CCDC102B: variants seen among roughly 807,000 people sequenced by gnomAD.
The protein encoded by CCDC102B is coiled-coil domain-containing protein 102B.
CCDC102B carries 75 observed loss-of-function variants against 57.4 expected under a neutral mutation model. The ratio of observed to expected loss-of-function variants is 1.31; its 90% CI spans 1.08 to 1.58. CCDC102B has a LOEUF of 1.58. Ranked by LOEUF, CCDC102B falls within the 40% of genes most tolerant of loss-of-function variation. The pLI is 0.00. For synonymous variants in CCDC102B, 206 were observed against 201.9 expected (o/e 1.02, Z -0.17); for missense variants, 636 against 582.6 (o/e 1.09, Z -0.94).
chr18:68,970,731 A>G (rs2050280261), intron 6 of CCDC102B, among the ~76,000 whole-genome samples: 2 of 152,028 alleles, frequency 1.3e-5, no homozygotes, highest in Non-Finnish European at 2.9e-5. Context: ...AATATGCTTT[A>G]TCAATCCTTT....
rs1475793793 is a variant in CCDC102B, at chr18:68,997,884, G to A, written c.1264-13050G>A. Among the ~76,000 whole-genome samples, 2 of 151,902 alleles carry A rather than the reference G, an allele frequency of 1.3e-5. 1 individual carries two copies. Among genetic ancestry groups the A allele is most frequent in the African/African-American group, 4.8e-5 (2 of 41,342 alleles). ...TTTTTGGCATTTTCGCATTGCTGTA[G>A]TTTAAGCTCTTTGAATGCTATTTTT... is the stretch of plus-strand genomic sequence containing the variant. On this transcript the variant is annotated intron_variant, in intron 6 of 7. Coordinates refer to ENST00000360242, the MANE Select transcript of CCDC102B (RefSeq NM_024781.3).
At chr18:69,003,439 A>T (rs575518562) in intron 6 of CCDC102B, among the ~76,000 whole-genome samples, 18 of 152,208 alleles carry the variant, frequency 1.2e-4, no homozygotes, top group African/African-American at 4.1e-4. Context: ...CTTCTCCTCA[A>T]CTCTCTACCC....
At chr18:68,910,110 C>T (rs1057290562) in intron 6 of CCDC102B, among the ~76,000 whole-genome samples, 18 of 152,194 alleles carry the variant, frequency 1.2e-4, no homozygotes, top group Non-Finnish European at 2.4e-4. Flanking sequence ...CTGGCCAACA[C>T]GGTGAAACAC....
At chr18:69,004,255 T>C (rs562885996) in intron 6 of CCDC102B, among the ~76,000 whole-genome samples, 1 of 152,240 alleles carries the variant, frequency 6.6e-6, no homozygotes, top group East Asian at 1.9e-4. Flanking sequence ...TACTAGGTAG[T>C]ACATTAGCTA....
intron 4 of CCDC102B, among the ~76,000 whole-genome samples, chr18:68,872,169 G>T (rs2039264217): frequency 1.3e-5 from 2 of 152,134 alleles, no homozygotes. Flanking sequence ...TCTGAATTTG[G>T]CTTTCCAGTG....
chr18:68,892,703 T>A (rs1038027637), intron 5 of CCDC102B, among the ~76,000 whole-genome samples: 1 of 152,202 alleles, frequency 6.6e-6, no homozygotes, highest in African/African-American at 2.4e-5. Flanking sequence ...TTACAAAAAA[T>A]TACTTTAAGA....
chr18:69,028,636 C>T (rs1395103147), intron 7 of CCDC102B, among the ~76,000 whole-genome samples: 1 of 151,936 alleles, frequency 6.6e-6, no homozygotes, highest in East Asian at 1.9e-4. Context: ...TTCTTTGACA[C>T]ACACACACAC....
intron 7 of CCDC102B, among the ~76,000 whole-genome samples, chr18:69,013,248 A>C (rs771165446): frequency 5.4e-5 from 8 of 148,168 alleles, no homozygotes; most frequent in Non-Finnish European, 1.1e-4. Flanking sequence ...GCTGGAGGCC[A>C]TTTTTTTTTT....
chr18:68,875,963 C>T (rs1329000161), intron 5 of CCDC102B, among the ~76,000 whole-genome samples: 2 of 151,912 alleles, frequency 1.3e-5, no homozygotes, highest in African/African-American at 4.8e-5. Context: ...TTCAAGAGGT[C>T]CATTATGAGA....
intron 6 of CCDC102B, among the ~76,000 whole-genome samples, chr18:69,009,892 A>G (rs1403859366): frequency 1.5e-5 from 2 of 131,674 alleles, no homozygotes; most frequent in East Asian, 2.3e-4. Context: ...GAAGAACCAG[A>G]GGCTAACTTT....
At chr18:68,998,983 TATATATATATATATATAGAGAG>T (rs1179687766) in intron 6 of CCDC102B, among the ~76,000 whole-genome samples, 36 of 66,382 alleles carry the variant, frequency 5.4e-4, no homozygotes, top group Non-Finnish European at 8.5e-4. Flanking sequence ...TATATATATA[TATATATATATATATATAGAGAG>T]AGAGAGAGAG....
chr18:68,878,999 G>C (rs1332284680), intron 5 of CCDC102B, among the ~76,000 whole-genome samples: 3 of 152,122 alleles, frequency 2.0e-5, no homozygotes, highest in African/African-American at 7.2e-5. Flanking sequence ...GATGTGTTCG[G>C]AGTTTCTTCC....
At chr18:68,945,424 C>T (rs1215814564) in intron 6 of CCDC102B, among the ~76,000 whole-genome samples, 1 of 151,904 alleles carries the variant, frequency 6.6e-6, no homozygotes, top group Non-Finnish European at 1.5e-5. Flanking sequence ...ATGAGCAGCT[C>T]AAAAATTTAA....
intron 2 of CCDC102B, among the ~76,000 whole-genome samples, chr18:68,734,527 A>G (rs1296306052): frequency 6.6e-6 from 1 of 152,198 alleles, no homozygotes; most frequent in East Asian, 1.9e-4. Flanking sequence ...TAAACCACAA[A>G]TACCAAAGAT....
At chr18:69,022,223 A>ATATATATATATATATATC (rs1160074383) in intron 7 of CCDC102B, among the ~76,000 whole-genome samples, 2 of 100,550 alleles carry the variant, frequency 2.0e-5, no homozygotes, top group African/African-American at 8.7e-5. Context: ...ATATATATAT[A>ATATATATATATATATATC]ACACACACAC....
At chr18:68,789,903 T>C (rs1276121101) in intron 2 of CCDC102B, among the ~76,000 whole-genome samples, 1 of 150,286 alleles carries the variant, frequency 6.7e-6, no homozygotes. Context: ...GAGGAGAGGT[T>C]CTCTGCTTTT....
chr18:68,784,846 ATTAAAGTT>A (rs2035137651), intron 2 of CCDC102B, among the ~76,000 whole-genome samples: 1 of 149,024 alleles, frequency 6.7e-6, no homozygotes, highest in Admixed American at 6.7e-5. Flanking sequence ...TTTTTTTTTT[ATTAAAGTT>A]TTAGTGTACT....
intron 6 of CCDC102B, among the ~76,000 whole-genome samples, chr18:68,909,443 G>A (rs1049944795): frequency 6.6e-6 from 1 of 152,146 alleles, no homozygotes; most frequent in African/African-American, 2.4e-5. Flanking sequence ...GTAAAGACTG[G>A]CTGTTATAAA....
At chr18:68,816,392 A>G (rs1331407301) in intron 1 of CCDC102B, among the ~76,000 whole-genome samples, 1 of 152,056 alleles carries the variant, frequency 6.6e-6, no homozygotes, top group African/African-American at 2.4e-5. Context: ...AACTTCTCCA[A>G]GATCTCACAC....
Sources: gnomAD v4.1 joint callset for allele counts (sites outside exome capture counted in the v4.1 genomes callset) on GRCh38, gnomAD v4.1.1 for gene constraint, MANE v1.5 for transcripts, NCBI Gene and HGNC (gene_info 2026-07-23, HGNC 2026-07-21) for gene names.